The following TUSC3 variants were observed in gnomAD, a reference collection of about 807,000 sequenced individuals.
TUSC3 encodes tumor suppressor candidate 3, also known as dolichyl-diphosphooligosaccharide--protein glycosyltransferase subunit TUSC3.
In TUSC3, 45 loss-of-function variants were observed where a neutral mutation model predicts 44.8. That is an observed-to-expected ratio of 1.00 (90% confidence interval 0.79 to 1.29). The LOEUF is 1.29. Among genes scored for constraint, TUSC3 ranks in the 50% most tolerant of loss-of-function variants. TUSC3 has a pLI of 0.00. For missense variants in TUSC3, 519 were observed against 437.9 expected, an observed-to-expected ratio of 1.19 and a Z score of -1.65; for synonymous variants, 212 against 152.9, an observed-to-expected ratio of 1.39 and a Z score of -2.85.
At chr8:15,741,893 C>T (rs906057591) in intron 7 of TUSC3, among the ~76,000 whole-genome samples, 5 of 152,088 alleles carry the variant, frequency 3.3e-5, no homozygotes, top group African/African-American at 9.7e-5. Context: ...CTCTAGAAAA[C>T]TGAGTTTTAA....
intron 2 of TUSC3, among the ~76,000 whole-genome samples, chr8:15,631,106 A>C (rs751714326): frequency 6.6e-6 from 1 of 152,182 alleles, no homozygotes; most frequent in Non-Finnish European, 1.5e-5. Flanking sequence ...AGACTGGGGA[A>C]GTGTCATGCC....
chr8:15,607,078 T>G (rs1364133174), intron 1 of TUSC3, among the ~76,000 whole-genome samples: 1 of 152,108 alleles, frequency 6.6e-6, no homozygotes, highest in East Asian at 1.9e-4. Context: ...TTTTACCCTG[T>G]GCTGTTCTCT....
intron 6 of TUSC3, among the ~76,000 whole-genome samples, chr8:15,696,817 A>AGG (rs1809189409): frequency 6.6e-6 from 1 of 152,138 alleles, no homozygotes; most frequent in African/African-American, 2.4e-5. Context: ...GGAATGATTT[A>AGG]GGGAGGGTTC....
intron 1 of TUSC3, among the ~76,000 whole-genome samples, chr8:15,438,548 C>T (rs943144529): frequency 5.3e-5 from 8 of 152,138 alleles, no homozygotes; most frequent in African/African-American, 1.4e-4. Context: ...TTTGGTGCTC[C>T]TGTGAAACAC....
At chr8:15,746,817 T>A (rs1020425438) in intron 8 of TUSC3, among the ~76,000 whole-genome samples, 1 of 152,108 alleles carries the variant, frequency 6.6e-6, no homozygotes, top group Non-Finnish European at 1.5e-5. Context: ...ATAGAGTAAA[T>A]AATTTTGTAA....
At chr8:15,451,323 C>T (rs1185893740) in intron 1 of TUSC3, among the ~76,000 whole-genome samples, 1 of 152,048 alleles carries the variant, frequency 6.6e-6, no homozygotes, top group Non-Finnish European at 1.5e-5. Flanking sequence ...GTGATTGTGG[C>T]TGGGGCCTCC....
intron 6 of TUSC3, among the ~76,000 whole-genome samples, chr8:15,693,441 C>CTTTTT (rs35915071): frequency 9.3e-5 from 9 of 96,880 alleles, no homozygotes; most frequent in Non-Finnish European, 1.3e-4. Flanking sequence ...GTTGGAAGTT[C>CTTTTT]TTTTTTTTTT....
intron 1 of TUSC3, among the ~76,000 whole-genome samples, chr8:15,581,983 T>TCC (rs1803372365): frequency 1.3e-5 from 2 of 150,656 alleles, no homozygotes; most frequent in Non-Finnish European, 1.5e-5. Flanking sequence ...TAGGACCCTC[T>TCC]GAGCCAGGTG....
the TUSC3 span, chr8:15,806,532 A>C: frequency 1.5e-6 from 2 of 1,378,026 alleles, no homozygotes; most frequent in Admixed American, 3.4e-5. Flanking sequence ...TCAAGCCTGG[A>C]TCTTACAAAA....
chr8:15,508,970 G>T (rs1252167222), intron 2 of TUSC3, among the ~76,000 whole-genome samples: 4 of 152,146 alleles, frequency 2.6e-5, no homozygotes, highest in Admixed American at 1.3e-4. Context: ...ACTGTCTCAG[G>T]TTCCAGAAGT....
chr8:15,594,041 C>A (rs1803966129), intron 1 of TUSC3, among the ~76,000 whole-genome samples: 2 of 152,258 alleles, frequency 1.3e-5, no homozygotes, highest in South Asian at 4.2e-4. Context: ...TATCCTTTCT[C>A]CCCAACTTGT....
the TUSC3 span, among the ~76,000 whole-genome samples, chr8:15,792,624 G>A: frequency 6.6e-6 from 1 of 151,548 alleles, no homozygotes; most frequent in Admixed American, 6.6e-5. Flanking sequence ...TTTTTTGTTT[G>A]TTTCTTTTTG....
chr8:15,592,589 C>G (rs1019334421), intron 1 of TUSC3, among the ~76,000 whole-genome samples: 4 of 152,284 alleles, frequency 2.6e-5, no homozygotes, highest in Admixed American at 6.5e-5. Context: ...TTGGCTCCCC[C>G]TTTGTCTTCT....
chr8:15,814,682 T>G, the TUSC3 span, among the ~76,000 whole-genome samples: 1 of 152,176 alleles, frequency 6.6e-6, no homozygotes, highest in Non-Finnish European at 1.5e-5. Flanking sequence ...AAGAGTTGCC[T>G]TACCCAGAGT....
At chr8:15,489,509 C>T (rs1800778070) in intron 2 of TUSC3, among the ~76,000 whole-genome samples, 1 of 152,120 alleles carries the variant, frequency 6.6e-6, no homozygotes, top group Admixed American at 6.5e-5. Flanking sequence ...GGTTTCTCTG[C>T]AGAATATGAA....
chr8:15,848,722 C>A, the TUSC3 span, among the ~76,000 whole-genome samples: 3 of 152,180 alleles, frequency 2.0e-5, no homozygotes, highest in Admixed American at 1.3e-4. Context: ...AACAGTGAGA[C>A]TGGAGTCCAG....
chr8:15,478,658 C>T (rs1035361549), intron 1 of TUSC3, among the ~76,000 whole-genome samples: 5 of 152,262 alleles, frequency 3.3e-5, no homozygotes, highest in East Asian at 1.9e-4. Context: ...ATCCCTACCA[C>T]ATTTTCTTTA....
chr8:15,532,083 T>G (rs1801458430), intron 2 of TUSC3, among the ~76,000 whole-genome samples: 1 of 152,198 alleles, frequency 6.6e-6, no homozygotes. Flanking sequence ...ATATGTCAAA[T>G]GCACCTAAGT....
chr8:15,741,498 C>T (rs550763277), intron 7 of TUSC3, among the ~76,000 whole-genome samples: 1 of 152,194 alleles, frequency 6.6e-6, no homozygotes, highest in East Asian at 1.9e-4. Context: ...CACTTGAGGC[C>T]AGCATGGCGA....
Sources: gnomAD v4.1 joint callset for allele counts (sites outside exome capture counted in the v4.1 genomes callset) on GRCh38, gnomAD v4.1.1 for gene constraint, MANE v1.5 for transcripts, NCBI Gene and HGNC (gene_info 2026-07-23, HGNC 2026-07-21) for gene names.